Variants in ADAMTS18 observed in about 807,000 individuals in gnomAD.
ADAMTS18 encodes the protein A disintegrin and metalloproteinase with thrombospondin motifs 18.
ADAMTS18 carries 157 observed loss-of-function variants against 165.9 expected under a neutral mutation model. The ratio of observed to expected loss-of-function variants is 0.95; its 90% CI spans 0.83 to 1.08. The LOEUF (loss-of-function observed/expected upper bound fraction) is 1.08. Among genes scored for constraint, ADAMTS18 ranks in the 50% least tolerant of loss-of-function variants. The probability of loss-of-function intolerance (pLI) is 0.00; values close to 1 mark genes in which losing one functional copy is unlikely to be tolerated. For synonymous variants in ADAMTS18, 782 were observed against 578.2 expected (o/e 1.35, Z -5.06); for missense variants, 2,040 against 1,534.0 (o/e 1.33, Z -5.51).
intron 10 of ADAMTS18, among the ~76,000 whole-genome samples, chr16:77,349,320 A>C (rs1043555136): frequency 2.0e-5 from 3 of 152,020 alleles, no homozygotes; most frequent in Non-Finnish European, 4.4e-5. Context: ...TATTTTGCCC[A>C]CAAGGAGATT....
intron 14 of ADAMTS18, 93 bp from the exon 15 acceptor site, chr16:77,321,295 GA>G (rs2055994553): frequency 6.6e-7 from 1 of 1,514,502 alleles, no homozygotes; most frequent in Admixed American, 1.7e-5. Context: ...TGTATTTACA[GA>G]ACATTAGGGA....
At chr16:77,385,651 G>T (rs556916107) in intron 3 of ADAMTS18, among the ~76,000 whole-genome samples, 1 of 152,288 alleles carries the variant, frequency 6.6e-6, no homozygotes, top group South Asian at 2.1e-4. Flanking sequence ...GGAAGTCTAG[G>T]AATCAGCTGT....
At chr16:77,368,233 C>T (rs920741805) in intron 3 of ADAMTS18, among the ~76,000 whole-genome samples, 4 of 152,130 alleles carry the variant, frequency 2.6e-5, no homozygotes, top group African/African-American at 9.6e-5. Context: ...GCATGGGCAC[C>T]CAGAGTTCTC....
chr16:77,353,793 G>A lies in ADAMTS18; in HGVS notation c.1554C>T (p.Asp518=), dbSNP rs200586457. The change falls in exon 10 of 23, where the codon GAC becomes GAT. Residue 518 remains aspartate (D), a synonymous_variant. Coordinates refer to ENST00000282849, the MANE Select transcript of ADAMTS18 (RefSeq NM_199355.4). Reference sequence around the variant, plus strand: ...CTCCAAATTGCCATTTACACTGTGTGTCAGCATCATAAATCTGTCCTGGTA... The same window carrying A: ...CTCCAAATTGCCATTTACACTGTGTATCAGCATCATAAATCTGTCCTGGTA... ...DKLPGQIYDA[D]TQCKWQFGAK... is the part of the protein sequence containing the mutation. 6.2e-6 allele frequency: 10 copies of A among 1,614,050 alleles called. No individual in the cohort carries two copies. The highest frequency in any genetic ancestry group is 1.7e-5 in the Admixed American group (1 of 60,000).
intron 3 of ADAMTS18, among the ~76,000 whole-genome samples, chr16:77,404,982 G>T (rs1460749073): frequency 6.6e-6 from 1 of 152,180 alleles, no homozygotes; most frequent in Non-Finnish European, 1.5e-5. Flanking sequence ...CAAGGCCAGA[G>T]CCCCCAGAGC....
intron 3 of ADAMTS18, among the ~76,000 whole-genome samples, chr16:77,423,955 C>T (rs1454458186): frequency 2.0e-5 from 3 of 152,154 alleles, no homozygotes; most frequent in Non-Finnish European, 4.4e-5. Flanking sequence ...CCATTTCCTT[C>T]CCAGACCTTC....
intron 5 of ADAMTS18, 130 bp downstream of exon 5, chr16:77,364,058 T>G (rs995005839): frequency 1.5e-6 from 2 of 1,339,710 alleles, no homozygotes; most frequent in African/African-American, 1.4e-5. Context: ...ATGTAGCTAT[T>G]AAAAGTAATG....
intron 12 of ADAMTS18, among the ~76,000 whole-genome samples, chr16:77,329,954 T>C (rs1031722397): frequency 2.6e-5 from 4 of 152,220 alleles, no homozygotes; most frequent in African/African-American, 9.6e-5. Context: ...TACAAATAGT[T>C]ACAATGGTGT....
At chr16:77,410,232 A>C (rs1302848347) in intron 3 of ADAMTS18, among the ~76,000 whole-genome samples, 1 of 151,686 alleles carries the variant, frequency 6.6e-6, no homozygotes, top group African/African-American at 2.4e-5. Context: ...TTTCTTATTA[A>C]TGTTGGTCAT....
intron 22 of ADAMTS18, among the ~76,000 whole-genome samples, chr16:77,285,913 C>G (rs769355162): frequency 1.3e-5 from 2 of 152,160 alleles, no homozygotes; most frequent in South Asian, 2.1e-4. Context: ...TTGTTCTACT[C>G]GAGACAACCT....
chr16:77,372,647 A>G (rs962217302), intron 3 of ADAMTS18, among the ~76,000 whole-genome samples: 4 of 152,252 alleles, frequency 2.6e-5, no homozygotes, highest in African/African-American at 9.6e-5. Context: ...TATGAAGATT[A>G]TGGGACAAGA....
chr16:77,404,663 A>G (rs2144816233), intron 3 of ADAMTS18, among the ~76,000 whole-genome samples: 1 of 152,174 alleles, frequency 6.6e-6, no homozygotes, highest in East Asian at 1.9e-4. Flanking sequence ...ACTTCCCTAA[A>G]CCCAAACCAC....
At chr16:77,357,958 A>T (rs994280297) in intron 8 of ADAMTS18, among the ~76,000 whole-genome samples, 3 of 152,232 alleles carry the variant, frequency 2.0e-5, no homozygotes, top group African/African-American at 7.2e-5. Flanking sequence ...ACATATGCAA[A>T]GATAATGAAA....
chr16:77,402,235 A>T (rs559421796), intron 3 of ADAMTS18, among the ~76,000 whole-genome samples: 1 of 152,320 alleles, frequency 6.6e-6, no homozygotes, highest in East Asian at 1.9e-4. Context: ...GAGATACTCA[A>T]TTTCCTAAGT....
chr16:77,387,942 T>A lies in ADAMTS18; in HGVS notation c.496-20219A>T, dbSNP rs892878107. Among the ~76,000 whole-genome samples the A allele has an allele frequency of 1.3e-5, 2 of 152,176 alleles. 1 individual carries two copies. Among genetic ancestry groups the A allele is most frequent in the South Asian group, 4.1e-4 (2 of 4,826 alleles). On this transcript the variant is annotated intron_variant, in intron 3 of 22. Transcript: ENST00000282849. The stretch of plus-strand genomic sequence containing the variant: ...TGCTCCTGTATTCTCTATGGCGCTA[T>A]CTCTCACCACTACACTTACTCCCAA...
rs201570714 is a variant in ADAMTS18, at chr16:77,293,259, C to G, written c.3007-1G>C. The G allele has an allele frequency of 3.3e-5, 53 of 1,613,142 alleles. No homozygotes were observed. Among genetic ancestry groups the G allele is most frequent in the South Asian group, 1.2e-4 (11 of 91,036 alleles). ...CCCCTCGTCCACAGGTCTTGGAACA[C>G]TTGAGAAGACAAAAAAGTTCTATTT... On this transcript the variant is annotated splice_acceptor_variant, in intron 19 of 22. Transcript: ENST00000282849. LOFTEE classifies it high-confidence loss of function.
intron 19 of ADAMTS18, 46 bp from the exon 20 acceptor site, chr16:77,293,304 G>T (rs761278865): frequency 1.1e-5 from 17 of 1,490,420 alleles, no homozygotes; most frequent in South Asian, 1.1e-5. Flanking sequence ...TTAGGTTTCA[G>T]TAGCCACATT....
At chr16:77,300,879 G>T (rs190888075) in intron 16 of ADAMTS18, among the ~76,000 whole-genome samples, 2 of 152,146 alleles carry the variant, frequency 1.3e-5, no homozygotes, top group East Asian at 3.9e-4. Flanking sequence ...GCTCTCTCCT[G>T]GGTGCTAGTG....
intron 13 of ADAMTS18, among the ~76,000 whole-genome samples, chr16:77,324,930 C>G (rs2056066532): frequency 6.6e-6 from 1 of 152,124 alleles, no homozygotes; most frequent in Non-Finnish European, 1.5e-5. Flanking sequence ...AGTCATGACC[C>G]AAAACCACAT....
Sources: allele counts gnomAD v4.1 joint callset (sites outside exome capture counted in the v4.1 genomes callset), GRCh38; gene constraint gnomAD v4.1.1; transcripts MANE v1.5; gene names NCBI Gene and HGNC (gene_info 2026-07-23, HGNC 2026-07-21).